KIF26B: variants seen among roughly 807,000 people sequenced by gnomAD.
KIF26B encodes the protein kinesin family member 26B.
KIF26B carries 63 observed loss-of-function variants against 151.2 expected under a neutral mutation model. That is an observed-to-expected ratio of 0.42 (90% CI 0.34 to 0.51). The LOEUF is 0.51. KIF26B is among the 20% of genes least tolerant of loss of function. KIF26B has a pLI of 0.07. For synonymous variants in KIF26B, 1,357 were observed against 1,262.1 expected, an observed-to-expected ratio of 1.08 and a Z score of -1.59; for missense variants, 2,813 against 2,913.6, an observed-to-expected ratio of 0.97 and a Z score of 0.79.
chr1:245,636,043 T>C (rs2043830821), intron 9 of KIF26B, among the ~76,000 whole-genome samples: 1 of 152,176 alleles, frequency 6.6e-6, no homozygotes, highest in Non-Finnish European at 1.5e-5. Context: ...TGGACCAGAA[T>C]ACTGTGTATC....
intron 3 of KIF26B, among the ~76,000 whole-genome samples, chr1:245,386,455 G>A (rs963082627): frequency 1.3e-5 from 2 of 152,160 alleles, no homozygotes; most frequent in Admixed American, 6.5e-5. Context: ...GCTGAGCGAT[G>A]AGGGAGCGTG....
At chr1:245,665,058 A>G (rs1011498105) in intron 10 of KIF26B, among the ~76,000 whole-genome samples, 1 of 152,246 alleles carries the variant, frequency 6.6e-6, no homozygotes, top group African/African-American at 2.4e-5. Context: ...TTCAGTGAGA[A>G]TATTGTGTGT....
At chr1:245,508,303 C>T (rs373142939) in intron 4 of KIF26B, among the ~76,000 whole-genome samples, 17 of 152,140 alleles carry the variant, frequency 1.1e-4, no homozygotes, top group Admixed American at 6.5e-4. Context: ...TGCAGTGGCG[C>T]GATCTCGGCT....
intron 4 of KIF26B, among the ~76,000 whole-genome samples, chr1:245,452,848 A>T (rs1558171962): frequency 6.6e-6 from 1 of 152,182 alleles, no homozygotes; most frequent in Non-Finnish European, 1.5e-5. Flanking sequence ...TATCATATAT[A>T]TGATTTGTAA....
chr1:245,336,035 AAAG>A (rs1401943859), intron 2 of KIF26B, among the ~76,000 whole-genome samples: 23 of 107,130 alleles, frequency 2.1e-4, no homozygotes, highest in African/African-American at 1.2e-3. Flanking sequence ...CCACGCAGGG[AAAG>A]GAGGGTCCCA....
At chr1:245,691,989 T>C (rs1255781913) in intron 12 of KIF26B, among the ~76,000 whole-genome samples, 5 of 152,196 alleles carry the variant, frequency 3.3e-5, no homozygotes, top group Non-Finnish European at 7.4e-5. Flanking sequence ...CTGTCCTCTT[T>C]GAGCTTCAAT....
intron 14 of KIF26B, among the ~76,000 whole-genome samples, chr1:245,700,713 G>A (rs2044758751): frequency 6.6e-6 from 1 of 152,168 alleles, no homozygotes; most frequent in Non-Finnish European, 1.5e-5. Context: ...TGGATCTTCT[G>A]TTAGAAATTT....
intron 5 of KIF26B, among the ~76,000 whole-genome samples, chr1:245,554,344 A>G (rs1371161922): frequency 4.6e-5 from 7 of 152,204 alleles, no homozygotes; most frequent in Admixed American, 4.6e-4. Context: ...AGATGTGGAG[A>G]ATAGCACAGT....
At chr1:245,412,013 A>G (rs1263021847) in intron 3 of KIF26B, among the ~76,000 whole-genome samples, 3 of 152,144 alleles carry the variant, frequency 2.0e-5, no homozygotes, top group African/African-American at 7.2e-5. Context: ...TTGCAGATTG[A>G]CTTTCATAAT....
intron 4 of KIF26B, among the ~76,000 whole-genome samples, chr1:245,478,013 G>T (rs1185353924): frequency 6.6e-6 from 1 of 151,676 alleles, no homozygotes; most frequent in Non-Finnish European, 1.5e-5. Flanking sequence ...CCAGCCGCTG[G>T]CACCCACTCA....
At chr1:245,407,601 T>A (rs1239870570) in intron 3 of KIF26B, among the ~76,000 whole-genome samples, 1 of 152,214 alleles carries the variant, frequency 6.6e-6, no homozygotes, top group Non-Finnish European at 1.5e-5. Flanking sequence ...AATAAAGCTT[T>A]CTGTACCCTA....
chr1:245,235,219 G>C (rs1472000560), intron 2 of KIF26B, among the ~76,000 whole-genome samples: 6 of 152,194 alleles, frequency 3.9e-5, no homozygotes, highest in African/African-American at 1.4e-4. Context: ...AAAGGCCATA[G>C]TTAATTAAAG....
intron 5 of KIF26B, among the ~76,000 whole-genome samples, chr1:245,569,316 T>G (rs536733298): frequency 3.9e-4 from 59 of 152,248 alleles, no homozygotes; most frequent in Admixed American, 1.0e-3. Flanking sequence ...AGGGGCTTTT[T>G]GATTAGTCAA....
intron 4 of KIF26B, among the ~76,000 whole-genome samples, chr1:245,426,568 C>T (rs967198999): frequency 1.3e-5 from 2 of 152,192 alleles, no homozygotes; most frequent in African/African-American, 2.4e-5. Context: ...GTTACCTGAA[C>T]AGCATTCTTC....
rs140590985 is a variant in KIF26B, at chr1:245,616,481, G to A, written c.2098+4505G>A. On this transcript the variant is annotated intron_variant, in intron 9 of 14. Coordinates refer to ENST00000407071, the MANE Select transcript of KIF26B (RefSeq NM_018012.4). Reference sequence around the variant, plus strand: ...GGGACCAGAAGTGTTTCAGATTTCAGATTGTTTTCCGATTTTGGAATATTT... The same window carrying A: ...GGGACCAGAAGTGTTTCAGATTTCAAATTGTTTTCCGATTTTGGAATATTT... Among the ~76,000 whole-genome samples the A allele has an allele frequency of 6.9e-3, 1,057 of 152,322 alleles. 12 individuals carry two copies. The highest frequency in any genetic ancestry group is 0.023 in the African/African-American group (970 of 41,556).
At position 245,239,768 on chromosome 1, in the gene KIF26B, T is replaced by A. The variant is rs928180844; in HGVS notation, c.465+83085T>A. ...GATCTGGCCTCCCAGAGTGCTGGGA[T>A]TACAGGCATGAGCCATTGTGTCCTG... On this transcript the variant is annotated intron_variant, in intron 2 of 14. Coordinates refer to ENST00000407071, the MANE Select transcript of KIF26B (RefSeq NM_018012.4). The surrounding 1 kb of genome is among the most constrained non-coding windows in gnomAD (Gnocchi z 4.3). Among the ~76,000 whole-genome samples, 26 of 151,862 alleles carry A rather than the reference T, an allele frequency of 1.7e-4. No homozygotes were observed. The highest frequency in any genetic ancestry group is 6.0e-4 in the African/African-American group (25 of 41,358).
intron 3 of KIF26B, among the ~76,000 whole-genome samples, chr1:245,372,143 C>G (rs944468114): frequency 2.0e-5 from 3 of 152,074 alleles, no homozygotes; most frequent in African/African-American, 4.8e-5. Context: ...AGCTCCATCC[C>G]CTGTCAGAGC....
chr1:245,245,137 A>G (rs1207577471), intron 2 of KIF26B, among the ~76,000 whole-genome samples: 1 of 152,194 alleles, frequency 6.6e-6, no homozygotes, highest in Non-Finnish European at 1.5e-5. Context: ...TGTTTAGCAG[A>G]CGGGATCTGA....
chr1:245,614,665 G>A (rs1353815141), intron 9 of KIF26B: 2 of 152,282 alleles, frequency 1.3e-5, no homozygotes, highest in East Asian at 1.9e-4. Context: ...TACAGCGGGC[G>A]AGGCGCCCCA....
Sources: allele counts gnomAD v4.1 joint callset (sites outside exome capture counted in the v4.1 genomes callset), GRCh38; gene constraint gnomAD v4.1.1; non-coding constraint Gnocchi (gnomAD v3.1); transcripts MANE v1.5; gene names NCBI Gene and HGNC (gene_info 2026-07-23, HGNC 2026-07-21).